Variants in NRG3 observed in about 807,000 individuals in gnomAD.
NRG3 encodes neuregulin 3.
In NRG3, 31 loss-of-function variants were observed where a neutral mutation model predicts 66.9. The observed-to-expected ratio is 0.46, with a 90% CI of 0.35 to 0.63. The LOEUF is 0.63. NRG3 is among the 20% of genes least tolerant of loss of function. The pLI, the probability that NRG3 is intolerant of heterozygous loss-of-function variation, is 0.00. For synonymous variants in NRG3, 393 were observed against 359.4 expected (o/e 1.09, Z -1.06); for missense variants, 910 against 878.9 (o/e 1.04, Z -0.45).
intron 2 of NRG3, among the ~76,000 whole-genome samples, chr10:82,483,728 T>C (rs969665756): frequency 6.6e-6 from 1 of 152,202 alleles, no homozygotes; most frequent in African/African-American, 2.4e-5. Flanking sequence ...ACATCACCAG[T>C]TGCTCAAGTT....
At chr10:81,954,325 T>C (rs993966829) in intron 1 of NRG3, among the ~76,000 whole-genome samples, 2 of 152,324 alleles carry the variant, frequency 1.3e-5, no homozygotes, top group African/African-American at 2.4e-5. Flanking sequence ...ATGACACTTA[T>C]GAAAATGTAT....
intron 1 of NRG3, among the ~76,000 whole-genome samples, chr10:81,950,054 C>T (rs1234618307): frequency 2.6e-5 from 4 of 152,130 alleles, no homozygotes; most frequent in East Asian, 1.9e-4. Context: ...ACTCTTGAGG[C>T]GTATATGATT....
chr10:82,150,369 C>CACCAGCTTGG (rs59529178), intron 1 of NRG3, among the ~76,000 whole-genome samples: 17,797 of 151,804 alleles, frequency 0.12, 1,756 homozygotes, highest in African/African-American at 0.26. Flanking sequence ...TTGGTGGCTA[C>CACCAGCTTGG]ACCAGCTTGG....
rs982353640 is a variant in NRG3, at chr10:82,533,447, G to A, written c.953+174579G>A. Among the ~76,000 whole-genome samples, 65 of 145,042 alleles carry A rather than the reference G, an allele frequency of 4.5e-4. 1 individual carries two copies. The highest frequency in any genetic ancestry group is 6.8e-4 in the Non-Finnish European group (44 of 65,014). Reference sequence around the variant, plus strand: ...GACCTCAAATTTATGTTGATAATCCGTTTTGATTTTTTTTTTGCATATGGT... The same window carrying A: ...GACCTCAAATTTATGTTGATAATCCATTTTGATTTTTTTTTTGCATATGGT... On this transcript the variant is annotated intron_variant, in intron 2 of 8. Transcript: ENST00000372141.
At chr10:82,147,793 C>A (rs540001331) in intron 1 of NRG3, among the ~76,000 whole-genome samples, 20 of 152,276 alleles carry the variant, frequency 1.3e-4, no homozygotes, top group Admixed American at 1.3e-3. Context: ...GCTCTGATTC[C>A]TTCCAAATGA....
intron 4 of NRG3, among the ~76,000 whole-genome samples, chr10:82,875,034 A>T (rs1393995974): frequency 1.3e-5 from 2 of 152,220 alleles, no homozygotes; most frequent in Non-Finnish European, 2.9e-5. Context: ...CAGAATTATA[A>T]CTGCCAACAG....
chr10:82,295,312 G>A (rs1319235945), intron 1 of NRG3, among the ~76,000 whole-genome samples: 1 of 152,182 alleles, frequency 6.6e-6, no homozygotes, highest in East Asian at 1.9e-4. Context: ...TGATTATGCT[G>A]TAATAGAATT....
At chr10:81,937,980 C>A (rs892040728) in intron 1 of NRG3, among the ~76,000 whole-genome samples, 1 of 152,018 alleles carries the variant, frequency 6.6e-6, no homozygotes, top group Non-Finnish European at 1.5e-5. Flanking sequence ...TTTCCTGATA[C>A]CATTTGTTGA....
At chr10:82,243,108 A>G (rs2077076201) in intron 1 of NRG3, among the ~76,000 whole-genome samples, 1 of 152,208 alleles carries the variant, frequency 6.6e-6, no homozygotes, top group Non-Finnish European at 1.5e-5. Flanking sequence ...GCTGAGCTTC[A>G]CAAATTTCCT....
chr10:82,651,545 A>T (rs980828636), intron 2 of NRG3, among the ~76,000 whole-genome samples: 3 of 152,234 alleles, frequency 2.0e-5, no homozygotes, highest in African/African-American at 4.8e-5. Context: ...AGCCTACATG[A>T]CAAGGAACTG....
At chr10:82,200,210 T>G in intron 1 of NRG3, among the ~76,000 whole-genome samples, 1 of 152,182 alleles carries the variant, frequency 6.6e-6, no homozygotes, top group Non-Finnish European at 1.5e-5. Context: ...TCTTCAATTA[T>G]TAGTGCAATT....
At chr10:82,467,262 A>G (rs1057510575) in intron 2 of NRG3, among the ~76,000 whole-genome samples, 53 of 152,162 alleles carry the variant, frequency 3.5e-4, no homozygotes, top group African/African-American at 1.2e-3. Flanking sequence ...GTGGCAGGGA[A>G]AATTGTGAAG....
chr10:82,788,499 G>A (rs1190841843), intron 3 of NRG3, among the ~76,000 whole-genome samples: 2 of 152,158 alleles, frequency 1.3e-5, no homozygotes, highest in African/African-American at 4.8e-5. Flanking sequence ...GAACCCAGGA[G>A]GAGGAGGTTG....
intron 1 of NRG3, among the ~76,000 whole-genome samples, chr10:82,140,477 T>A (rs2132632923): frequency 6.6e-6 from 1 of 152,316 alleles, no homozygotes; most frequent in African/African-American, 2.4e-5. Context: ...GCCGCAATTT[T>A]GTTTGGCAAT....
chr10:81,921,441 T>C (rs1210898936), intron 1 of NRG3, among the ~76,000 whole-genome samples: 1 of 152,242 alleles, frequency 6.6e-6, no homozygotes, highest in Middle Eastern at 3.4e-3. Flanking sequence ...CTGCTTAATA[T>C]CTATCTGGAT....
chr10:82,904,817 C>G (rs1844574349), intron 4 of NRG3, among the ~76,000 whole-genome samples: 2 of 152,084 alleles, frequency 1.3e-5, no homozygotes, highest in African/African-American at 2.4e-5. Flanking sequence ...ATAGCATCGA[C>G]TATTTTTCCC....
intron 1 of NRG3, among the ~76,000 whole-genome samples, chr10:81,895,844 T>A (rs1843476934): frequency 6.6e-6 from 1 of 152,126 alleles, no homozygotes; most frequent in African/African-American, 2.4e-5. Flanking sequence ...TCCATAGATA[T>A]CAAACCATCT....
At chr10:82,335,554 G>A (rs60219494) in intron 1 of NRG3, among the ~76,000 whole-genome samples, 51,311 of 151,878 alleles carry the variant, frequency 0.34, 12,442 homozygotes, top group African/African-American at 0.67. Flanking sequence ...CTATGGCAGG[G>A]GATCACTTGA....
chr10:81,960,674 G>A (rs1389081679), intron 1 of NRG3, among the ~76,000 whole-genome samples: 1 of 151,226 alleles, frequency 6.6e-6, no homozygotes, highest in East Asian at 1.9e-4. Context: ...AGAGACATAC[G>A]AGATTTCCTC....
Sources: gnomAD v4.1 joint callset for allele counts (sites outside exome capture counted in the v4.1 genomes callset) on GRCh38, gnomAD v4.1.1 for gene constraint, MANE v1.5 for transcripts, NCBI Gene and HGNC (gene_info 2026-07-23, HGNC 2026-07-21) for gene names.